The following NCKAP5 variants were observed in gnomAD, a reference collection of about 807,000 sequenced individuals.
NCKAP5 encodes NCK associated protein 5.
NCKAP5 carries 92 observed loss-of-function variants against 167.0 expected under a neutral mutation model. That is an observed-to-expected ratio of 0.55 (90% CI 0.47 to 0.66). The LOEUF (loss-of-function observed/expected upper bound fraction) is 0.66. NCKAP5 is among the 30% of genes least tolerant of loss of function. The probability of loss-of-function intolerance (pLI) is 0.00; values close to 1 mark genes in which losing one functional copy is unlikely to be tolerated. For missense variants in NCKAP5, 2,378 were observed against 2,315.0 expected, an observed-to-expected ratio of 1.03 and a Z score of -0.56; for synonymous variants, 891 against 877.4, an observed-to-expected ratio of 1.02 and a Z score of -0.27.
chr2:133,504,794 C>G (rs774062373), intron 3 of NCKAP5, among the ~76,000 whole-genome samples: 1 of 152,102 alleles, frequency 6.6e-6, no homozygotes, highest in Non-Finnish European at 1.5e-5. Context: ...CCACTGGGAC[C>G]CTGTTTCCTC....
At chr2:132,870,589 A>G (rs1690732748) in intron 9 of NCKAP5, among the ~76,000 whole-genome samples, 1 of 152,068 alleles carries the variant, frequency 6.6e-6, no homozygotes, top group Non-Finnish European at 1.5e-5. Context: ...ATTATAACAC[A>G]GTGTGACAAA....
At chr2:133,159,750 C>T (rs1031414480) in intron 5 of NCKAP5, among the ~76,000 whole-genome samples, 2 of 151,966 alleles carry the variant, frequency 1.3e-5, no homozygotes, top group African/African-American at 4.8e-5. Context: ...TTTTTTTAAG[C>T]AAGCATTTCA....
At chr2:133,231,582 C>A (rs1015437241) in intron 4 of NCKAP5, among the ~76,000 whole-genome samples, 15 of 152,096 alleles carry the variant, frequency 9.9e-5, no homozygotes, top group African/African-American at 3.4e-4. Context: ...TTGGTACTTA[C>A]TTGCTGTATA....
chr2:133,516,153 T>C lies in NCKAP5; in HGVS notation c.69+1305A>G, dbSNP rs571524925. On this transcript the variant is annotated intron_variant, in intron 3 of 19. Coordinates refer to ENST00000409261, the MANE Select transcript of NCKAP5 (RefSeq NM_207363.3). ...AGGCCTAAGACAGACCCTATTGGCA[T>C]GCTGATATGTAAAAAGTGTTTTTCT... Among the ~76,000 whole-genome samples, 136 of 152,306 alleles carry C rather than the reference T, an allele frequency of 8.9e-4. 1 individual carries two copies. The highest frequency in any genetic ancestry group is 2.4e-3 in the African/African-American group (100 of 41,572).
intron 16 of NCKAP5, among the ~76,000 whole-genome samples, chr2:132,772,404 G>T (rs1301258531): frequency 6.6e-6 from 1 of 152,164 alleles, no homozygotes; most frequent in Non-Finnish European, 1.5e-5. Flanking sequence ...GCATCAAGCA[G>T]CACAGATACA....
chr2:133,137,622 A>C (rs1433575518), intron 5 of NCKAP5, among the ~76,000 whole-genome samples: 1 of 152,076 alleles, frequency 6.6e-6, no homozygotes, highest in Non-Finnish European at 1.5e-5. Context: ...CAGGTGAAGC[A>C]CCCCATATGA....
intron 6 of NCKAP5, among the ~76,000 whole-genome samples, chr2:133,045,383 CTATATA>C (rs1023409143): frequency 6.6e-6 from 1 of 151,268 alleles, no homozygotes; most frequent in South Asian, 2.1e-4. Context: ...CTATATCTAT[CTATATA>C]TATATACATA....
chr2:133,607,458 T>C, the NCKAP5 span, among the ~76,000 whole-genome samples: 1 of 152,124 alleles, frequency 6.6e-6, no homozygotes, highest in Non-Finnish European at 1.5e-5. Context: ...GTTAGAGAAA[T>C]TGACTCTCAC....
chr2:133,439,319 T>C (rs1690687772), intron 3 of NCKAP5, among the ~76,000 whole-genome samples: 1 of 152,228 alleles, frequency 6.6e-6, no homozygotes, highest in Non-Finnish European at 1.5e-5. Context: ...TTATTAAAGA[T>C]GGGACCAGAT....
At chr2:133,261,525 G>A (rs1344523739) in intron 4 of NCKAP5, among the ~76,000 whole-genome samples, 1 of 152,116 alleles carries the variant, frequency 6.6e-6, no homozygotes, top group Non-Finnish European at 1.5e-5. Flanking sequence ...TTATTATGAT[G>A]ATGTTCCTTA....
intron 16 of NCKAP5, among the ~76,000 whole-genome samples, chr2:132,770,909 T>C (rs916675068): frequency 6.6e-6 from 1 of 152,172 alleles, no homozygotes; most frequent in African/African-American, 2.4e-5. Context: ...CCACTACTCA[T>C]GTGTTGTGGT....
rs145754675 is a variant in NCKAP5, at chr2:132,862,218, C to T, written c.688-1607G>A. On this transcript the variant is annotated intron_variant, in intron 10 of 19. Coordinates refer to ENST00000409261, the MANE Select transcript of NCKAP5 (RefSeq NM_207363.3). ...TGAATCTAATGGTGAAGTTAGATCT[C>T]GCTAGTAAAGCCTTCTCTGAGGCTT... 5.8e-3 allele frequency among the ~76,000 whole-genome samples: 882 copies of T among 152,246 alleles called. 24 individuals are homozygous for T. The highest frequency in any genetic ancestry group is 0.052 in the Admixed American group (800 of 15,300).
At chr2:133,255,794 T>C (rs2088586634) in intron 4 of NCKAP5, among the ~76,000 whole-genome samples, 1 of 152,186 alleles carries the variant, frequency 6.6e-6, no homozygotes. Context: ...TTATGTAACA[T>C]TCTGTCATCG....
Position 132,910,833 on chromosome 2 carries a change from G to A in NCKAP5, c.580-31917C>T, listed in dbSNP as rs1215892352. ...TTGGATTGGATTTGGAAATGAGACT[G>A]TACCAAACAATGGCCAAAGAAGACT... On this transcript the variant is annotated intron_variant, in intron 8 of 19. Coordinates refer to ENST00000409261, the MANE Select transcript of NCKAP5 (RefSeq NM_207363.3). 3.0e-4 allele frequency among the ~76,000 whole-genome samples: 46 copies of A among 152,176 alleles called. 2 individuals carry two copies. Among genetic ancestry groups the A allele is most frequent in the Admixed American group, 3.0e-3 (46 of 15,280 alleles).
At chr2:132,889,207 T>C (rs1181054126) in intron 8 of NCKAP5, among the ~76,000 whole-genome samples, 4 of 152,144 alleles carry the variant, frequency 2.6e-5, no homozygotes, top group Non-Finnish European at 4.4e-5. Context: ...CAACATCACA[T>C]AGATTGGAGA....
intron 4 of NCKAP5, among the ~76,000 whole-genome samples, chr2:133,234,548 C>A (rs1244897088): frequency 6.6e-5 from 10 of 152,154 alleles, no homozygotes; most frequent in African/African-American, 2.4e-4. Context: ...GTACTGACCA[C>A]TGTATGTTCT....
At chr2:133,219,404 T>C (rs2086563244) in intron 4 of NCKAP5, among the ~76,000 whole-genome samples, 1 of 152,186 alleles carries the variant, frequency 6.6e-6, no homozygotes, top group Admixed American at 6.5e-5. Flanking sequence ...CGTAATTGTT[T>C]TAAGACATTT....
chr2:133,637,040 T>C, the NCKAP5 span, among the ~76,000 whole-genome samples: 2 of 142,288 alleles, frequency 1.4e-5, no homozygotes, highest in Non-Finnish European at 3.0e-5. Context: ...ATATTTAAAG[T>C]ATACTTAATA....
intron 16 of NCKAP5, among the ~76,000 whole-genome samples, chr2:132,755,854 AAATAATAATAATAATAAT>A (rs56967710): frequency 7.0e-6 from 1 of 143,818 alleles, no homozygotes; most frequent in African/African-American, 2.6e-5. Context: ...CTAAATGGCA[AAATAATAATAATAATAAT>A]AATAATAATA....
Sources: allele counts gnomAD v4.1 joint callset (sites outside exome capture counted in the v4.1 genomes callset), GRCh38; gene constraint gnomAD v4.1.1; transcripts MANE v1.5; gene names NCBI Gene and HGNC (gene_info 2026-07-23, HGNC 2026-07-21).